Variants in MYCBP2 observed in about 807,000 individuals in gnomAD.
MYCBP2 encodes MYC binding protein 2.
MYCBP2 carries 120 observed loss-of-function variants against 525.3 expected under a neutral mutation model. The ratio of observed to expected loss-of-function variants is 0.23; its 90% CI spans 0.20 to 0.27. The LOEUF (loss-of-function observed/expected upper bound fraction) is 0.27, where lower values mean the gene tolerates loss of function less well. MYCBP2 is among the 10% of genes least tolerant of loss of function. The pLI is 1.00. For missense variants in MYCBP2, 4,149 were observed against 5,657.1 expected (o/e 0.73, Z 8.55); for synonymous variants, 1,894 against 1,955.8 (o/e 0.97, Z 0.83).
At position 77,205,570 on chromosome 13, in the gene MYCBP2, C is replaced by T; in HGVS notation, c.3618G>A (p.Gln1206=). The T allele has an allele frequency of 4.3e-6, 7 of 1,612,700 alleles. No individual in the cohort carries two copies. The highest frequency in any genetic ancestry group is 5.9e-6 in the Non-Finnish European group (7 of 1,179,630). The change falls in exon 25 of 83, where the codon CAG becomes CAA. Residue 1206 remains glutamine, a synonymous_variant. Coordinates refer to ENST00000544440, the MANE Select transcript of MYCBP2 (RefSeq NM_015057.5). ...LGCLDTLAAM[Q]DLKMGVASTE... ...TACTTGCAACACCCATTTTTAAGTC[C>T]TGCATAGCTGCCAAGGTATCAAGAC... is the stretch of plus-strand genomic sequence containing the variant.
intron 52 of MYCBP2, among the ~76,000 whole-genome samples, chr13:77,130,590 T>C (rs1233072386): frequency 1.3e-5 from 2 of 151,992 alleles, no homozygotes; most frequent in East Asian, 3.9e-4. Context: ...TAAAAGTGGA[T>C]AGGGAATACG....
rs563044890 is a variant in MYCBP2, at chr13:77,070,728, A to G, written c.11824-17T>C. On this transcript the variant is annotated splice_polypyrimidine_tract_variant and intron_variant, in intron 68 of 82. Transcript: ENST00000544440. The stretch of plus-strand genomic sequence containing the variant: ...TGATGTTGCCTTTACATAGAAAAAG[A>G]AAAAAAAAAAAAAGAATGAAGTGGT... 161 of 369,136 alleles carry G rather than the reference A, an allele frequency of 4.4e-4. 1 individual carries two copies. The Admixed American group carries it at 8.1e-3, about 19-fold the overall frequency. The allele number at this position is 369,136 out of a possible 1,614,324, so 22.9% of individuals were successfully genotyped here. A position where few individuals can be genotyped will look rare whatever the true frequency, so the allele number is the denominator to read the frequency against.
chr13:77,291,627 C>T (rs1188463921), intron 2 of MYCBP2, among the ~76,000 whole-genome samples: 12 of 152,016 alleles, frequency 7.9e-5, no homozygotes, highest in Admixed American at 2.0e-4. Context: ...ATTAGCCGGG[C>T]GTGGCGGTGC....
chr13:77,170,205 A>C (rs1449337690), intron 38 of MYCBP2, among the ~76,000 whole-genome samples: 2 of 152,214 alleles, frequency 1.3e-5, no homozygotes, highest in Admixed American at 1.3e-4. Flanking sequence ...ACTTAGAACA[A>C]CACCTACACA....
At chr13:77,162,065 C>A (rs1398822027) in intron 43 of MYCBP2, 110 bp from the exon 44 acceptor site, 9 of 732,596 alleles carry the variant, frequency 1.2e-5, no homozygotes, top group Non-Finnish European at 2.0e-5. Context: ...TTCTGCTATT[C>A]CAGATTGAAA....
intron 44 of MYCBP2, among the ~76,000 whole-genome samples, chr13:77,160,702 CACTATT>C (rs1243335590): frequency 6.6e-6 from 1 of 152,098 alleles, no homozygotes; most frequent in African/African-American, 2.4e-5. Flanking sequence ...TTATTTAAAT[CACTATT>C]ACTAACTACA....
chr13:77,061,584 A>G lies in MYCBP2; in HGVS notation c.12903+78T>C, dbSNP rs757566485. ...ATTCCAAAGTCCACTTTTTCCCCCT[A>G]CTACACAAAGCCTCTTTCACACATT... On this transcript the variant is annotated intron_variant, in intron 75 of 82. Transcript: ENST00000544440. The G allele has an allele frequency of 1.3e-5, 19 of 1,513,230 alleles. No homozygotes were observed. In the African/African-American group the frequency reaches 2.2e-4, roughly 18 times the overall value. The allele number at this position is 1,513,230 out of a possible 1,614,324, so 93.7% of individuals were successfully genotyped here. A position where few individuals can be genotyped will look rare whatever the true frequency, so the allele number is the denominator to read the frequency against.
intron 21 of MYCBP2, 60 bp downstream of exon 21, chr13:77,217,780 T>C (rs1719101584): frequency 2.9e-6 from 3 of 1,044,650 alleles, no homozygotes; most frequent in Admixed American, 4.7e-5. Context: ...AGAGCTAATA[T>C]AGACAAATTA....
At chr13:77,084,935 C>T (rs1313424017) in intron 62 of MYCBP2, among the ~76,000 whole-genome samples, 1 of 151,960 alleles carries the variant, frequency 6.6e-6, no homozygotes, top group Non-Finnish European at 1.5e-5. Flanking sequence ...ACGTACTCTG[C>T]TTGGGCTCTT....
chr13:77,064,179 A>C (rs1226163992), intron 73 of MYCBP2, among the ~76,000 whole-genome samples: 1 of 152,204 alleles, frequency 6.6e-6, no homozygotes, highest in Non-Finnish European at 1.5e-5. Flanking sequence ...TAGAAGTAAG[A>C]CCTATAAATC....
chr13:77,162,003 T>C, intron 43 of MYCBP2, 48 bp from the exon 44 acceptor site: 5 of 1,297,308 alleles, frequency 3.9e-6, no homozygotes, highest in Non-Finnish European at 5.5e-6. Flanking sequence ...ATATTTAGTT[T>C]AGTTTAATTT....
At chr13:77,186,243 C>T (rs1177482893) in intron 30 of MYCBP2, among the ~76,000 whole-genome samples, 180 bp from the exon 31 acceptor site, 2 of 151,778 alleles carry the variant, frequency 1.3e-5, no homozygotes, top group East Asian at 3.9e-4. Flanking sequence ...ATTAAATTAC[C>T]CTCAACAGTA....
intron 14 of MYCBP2, among the ~76,000 whole-genome samples, chr13:77,254,149 T>C (rs1190019275): frequency 6.6e-6 from 1 of 151,834 alleles, no homozygotes; most frequent in Non-Finnish European, 1.5e-5. Flanking sequence ...AATAACAGAT[T>C]AACACTTATA....
In MYCBP2 at chr13:77,071,155, G is replaced by A. The variant is rs959689842; in HGVS notation, c.11824-444C>T. On this transcript the variant is annotated intron_variant, in intron 68 of 82. Coordinates refer to ENST00000544440, the MANE Select transcript of MYCBP2 (RefSeq NM_015057.5). ...AGTCATCAAAGAAATGTATCATAAG[G>A]AAAAATATAAAGGCTAAAATTTTAT... Among the ~76,000 whole-genome samples, 109 of 152,076 alleles carry A rather than the reference G, an allele frequency of 7.2e-4. 1 individual carries two copies. Among genetic ancestry groups the A allele is most frequent in the Middle Eastern group, 6.8e-3 (2 of 294 alleles).
chr13:77,130,430 T>C (rs9565320), intron 52 of MYCBP2, among the ~76,000 whole-genome samples: 4,908 of 151,954 alleles, frequency 0.032, 217 homozygotes, highest in East Asian at 0.17. Flanking sequence ...GATATATACA[T>C]ATATATGTAC....
chr13:77,081,601 T>A lies in MYCBP2; in HGVS notation c.11244A>T (p.Ile3748=). The A allele has an allele frequency of 6.2e-7, 1 of 1,613,846 alleles. No homozygotes were observed. The highest frequency in any genetic ancestry group is 1.1e-5 in the South Asian group (1 of 91,068). Residue 3748 remains isoleucine (I), a synonymous_variant, in exon 65 of 83, where the codon ATA becomes ATT. Transcript: ENST00000544440. This position sits in a 1 kb window ranked among gnomAD's most constrained non-coding sequence, Gnocchi z 4.6. ...TCATGGCAGGTCGGCTTGAAGTTTT[T>A]ATGTCAACAATGCTGGTTAAGTCCT... The part of the protein sequence containing the change: ...CLKDLTSIVD[I]KTSSRPAMIG...
At chr13:77,104,213 T>C (rs2047509573) in intron 55 of MYCBP2, among the ~76,000 whole-genome samples, 1 of 152,090 alleles carries the variant, frequency 6.6e-6, no homozygotes, top group Admixed American at 6.6e-5. Context: ...TGAAATAAAC[T>C]AGACATAACA....
chr13:77,069,875 A>G (rs369495855), intron 69 of MYCBP2, among the ~76,000 whole-genome samples: 5 of 152,008 alleles, frequency 3.3e-5, no homozygotes, highest in East Asian at 3.9e-4. Flanking sequence ...CTCGAAAAAA[A>G]AAAAAGTTAG....
At chr13:77,142,301 C>T (rs573191563) in intron 49 of MYCBP2, among the ~76,000 whole-genome samples, 49 of 152,116 alleles carry the variant, frequency 3.2e-4, no homozygotes, top group Non-Finnish European at 5.3e-4. Flanking sequence ...AATTGTCTTA[C>T]CCAGGAAAAT....
Sources: gnomAD v4.1 joint callset for allele counts (sites outside exome capture counted in the v4.1 genomes callset) on GRCh38, gnomAD v4.1.1 for gene constraint, Gnocchi (gnomAD v3.1) non-coding constraint, MANE v1.5 for transcripts, NCBI Gene and HGNC (gene_info 2026-07-23, HGNC 2026-07-21) for gene names.